The following CACNA1E variants were observed in gnomAD, a reference collection of about 807,000 sequenced individuals.
The protein encoded by CACNA1E is calcium voltage-gated channel subunit alpha1 E, also known as voltage-dependent R-type calcium channel subunit alpha-1E.
In CACNA1E, 40 loss-of-function variants were observed where a neutral mutation model predicts 259.2. That is an observed-to-expected ratio of 0.15 (90% CI 0.12 to 0.20). The LOEUF is 0.20. Ranked by LOEUF, CACNA1E falls within the 10% of genes least tolerant of loss-of-function variation. The probability of loss-of-function intolerance (pLI) is 1.00; values close to 1 mark genes in which losing one functional copy is unlikely to be tolerated. For missense variants in CACNA1E, 1,874 were observed against 3,040.1 expected (o/e 0.62, Z 9.02); for synonymous variants, 1,104 against 1,138.5 (o/e 0.97, Z 0.61).
At chr1:181,362,263 C>T (rs1653936409) in intron 1 of CACNA1E, among the ~76,000 whole-genome samples, 2 of 152,244 alleles carry the variant, frequency 1.3e-5, no homozygotes, top group Admixed American at 1.3e-4. Flanking sequence ...CTGACTCTTT[C>T]TCCCTGGAGG....
At position 181,749,303 on chromosome 1, in the gene CACNA1E, G is replaced by C. The variant is rs74768620; in HGVS notation, c.3720-1173G>C. On this transcript the variant is annotated intron_variant, in intron 25 of 47. Transcript: ENST00000367573. ...AGCAGGCCAGGATAGGGAATCATGA[G>C]ATGCAGGTTCACCTATGTTTCTAAA... Among the ~76,000 whole-genome samples, 1,173 of 152,322 alleles carry C rather than the reference G, an allele frequency of 7.7e-3. 15 individuals carry two copies. Among genetic ancestry groups the C allele is most frequent in the African/African-American group, 0.027 (1,106 of 41,562 alleles).
In CACNA1E at chr1:181,354,579, C is replaced by T. The variant is rs148829734; in HGVS notation, c.-15+36456C>T. Among the ~76,000 whole-genome samples the T allele has an allele frequency of 3.2e-3, 486 of 152,292 alleles. 2 individuals carry two copies. The highest frequency in any genetic ancestry group is 0.01 in the Middle Eastern group (3 of 294). ...AGAAGGGTCTTAATTAGAGATTCTT[C>T]TCTATGGTTCAGGTTGTCTGCACCT... is the stretch of plus-strand genomic sequence containing the variant. On this transcript the variant is annotated intron_variant, in intron 1 of 11. Transcript: ENST00000524607.
At chr1:181,556,258 G>T (rs1558123091) in intron 3 of CACNA1E, among the ~76,000 whole-genome samples, 1 of 152,092 alleles carries the variant, frequency 6.6e-6, no homozygotes, top group East Asian at 1.9e-4. Context: ...GGGTGGATGG[G>T]GTGCAGCACA....
chr1:181,689,521 T>C (rs1015172269), intron 7 of CACNA1E, among the ~76,000 whole-genome samples: 1 of 152,170 alleles, frequency 6.6e-6, no homozygotes, highest in African/African-American at 2.4e-5. Context: ...GGTCAAATGG[T>C]ATTTCTGGTT....
In CACNA1E at chr1:181,796,744, T is replaced by A; in HGVS notation, c.6285T>A (p.Pro2095=). The A allele has an allele frequency of 6.2e-7, 1 of 1,613,556 alleles. No individual in the cohort carries two copies. Among genetic ancestry groups the A allele is most frequent in the Non-Finnish European group, 8.5e-7 (1 of 1,179,708 alleles). ...AAGAGCGAAAGCATCTTCTCTCTCC[T>A]GATGTCTCCCGCTGCAATTCAGAAG... ...RSKERKHLLS[P]DVSRCNSEER... is the part of the protein sequence containing the mutation. The change falls in exon 47 of 48, where the codon CCT becomes CCA. Residue 2095 remains proline, a synonymous_variant. Coordinates refer to ENST00000367573, the MANE Select transcript of CACNA1E (RefSeq NM_001205293.3).
chr1:181,792,341 C>A (rs1382119594), intron 44 of CACNA1E, among the ~76,000 whole-genome samples: 1 of 152,178 alleles, frequency 6.6e-6, no homozygotes, highest in Non-Finnish European at 1.5e-5. Context: ...AGGTGTCAGC[C>A]TGTGCTACAC....
At chr1:181,781,640 G>A (rs1660439710) in intron 39 of CACNA1E, 117 bp downstream of exon 39, 1 of 686,578 alleles carries the variant, frequency 1.5e-6, no homozygotes, top group Non-Finnish European at 2.6e-6. Context: ...GGGAACTAAG[G>A]AGGAAAGGCA....
In CACNA1E at chr1:181,776,341, G is replaced by A; in HGVS notation, c.5267+113G>A. 1 of 1,106,796 alleles carries A rather than the reference G, an allele frequency of 9.0e-7. No individual in the cohort carries two copies. 68.6% of individuals were successfully genotyped at this position (1,106,796 alleles called of 1,614,324 possible). ...AATGCCTGCCTGTTACAGAAGGAAA[G>A]GAGATTCCTCTTGATTGTGGCCCAT... On this transcript the variant is annotated intron_variant, in intron 38 of 47. Transcript: ENST00000367573. The surrounding 1 kb of genome is among the most constrained non-coding windows in gnomAD (Gnocchi z 4.4).
intron 7 of CACNA1E, among the ~76,000 whole-genome samples, chr1:181,683,887 T>C (rs1572590328): frequency 6.6e-6 from 1 of 152,236 alleles, no homozygotes; most frequent in Admixed American, 6.5e-5. Context: ...TAAATAGTGC[T>C]GCAATGAACA....
At chr1:181,567,540 G>A (rs909007157) in intron 3 of CACNA1E, among the ~76,000 whole-genome samples, 1 of 152,202 alleles carries the variant, frequency 6.6e-6, no homozygotes, top group East Asian at 1.9e-4. Context: ...GTTTTGAAGT[G>A]TGTGTGAAAG....
intron 2 of CACNA1E, among the ~76,000 whole-genome samples, chr1:181,455,732 TC>T (rs1158134514): frequency 6.6e-6 from 1 of 152,244 alleles, no homozygotes; most frequent in African/African-American, 2.4e-5. Flanking sequence ...TTCTTTTTTT[TC>T]ATCCTTGACC....
intron 1 of CACNA1E, among the ~76,000 whole-genome samples, chr1:181,394,633 G>C (rs1389434322): frequency 1.3e-5 from 2 of 152,144 alleles, no homozygotes; most frequent in Admixed American, 6.5e-5. Context: ...TAGGATAAGG[G>C]GGATTGGGAG....
At chr1:181,716,279 G>T in intron 10 of CACNA1E, 150 bp downstream of exon 10, 2 of 299,714 alleles carry the variant, frequency 6.7e-6, no homozygotes, top group East Asian at 5.6e-5. Context: ...ATCGAATCTA[G>T]ATTACAATGA....
In CACNA1E at chr1:181,385,022, C is replaced by T. The variant is rs1655737915; in HGVS notation, c.-14-28111C>T. On this transcript the variant is annotated intron_variant, in intron 1 of 11. Coordinates refer to the CACNA1E transcript ENST00000524607. ...TTCACTCTTTCCAGCCTAGATTTTG[C>T]CCTGATGTCTCTGCTGAGATGGATT... Among the ~76,000 whole-genome samples, 6 of 152,322 alleles carry T rather than the reference C, an allele frequency of 3.9e-5. No individual in the cohort carries two copies. The South Asian group carries it at 1.2e-3, about 32-fold the overall frequency.
intron 2 of CACNA1E, among the ~76,000 whole-genome samples, chr1:181,470,309 C>G (rs1365840816): frequency 6.6e-6 from 1 of 152,030 alleles, no homozygotes; most frequent in Middle Eastern, 3.2e-3. Flanking sequence ...CCATCTCAGC[C>G]TCTTGAGTAG....
chr1:181,402,525 A>C (rs1657176249), intron 1 of CACNA1E, among the ~76,000 whole-genome samples: 1 of 152,168 alleles, frequency 6.6e-6, no homozygotes, highest in East Asian at 1.9e-4. Flanking sequence ...CTCTGTGATG[A>C]TGCTGCTTGG....
intron 2 of CACNA1E, among the ~76,000 whole-genome samples, chr1:181,477,149 C>T (rs943678265): frequency 6.6e-6 from 1 of 151,058 alleles, no homozygotes; most frequent in Non-Finnish European, 1.5e-5. Context: ...TGTGTACTGC[C>T]CCCCTCCCCA....
intron 2 of CACNA1E, among the ~76,000 whole-genome samples, chr1:181,454,941 C>A (rs1202989839): frequency 6.6e-6 from 1 of 152,160 alleles, no homozygotes; most frequent in Non-Finnish European, 1.5e-5. Context: ...AATGAGAAAT[C>A]TATGCCTGTG....
At chr1:181,480,975 TTAA>T (rs1164555938), upstream of CACNA1E, among the ~76,000 whole-genome samples, 3 of 152,182 alleles carry the variant, frequency 2.0e-5, no homozygotes, top group East Asian at 3.9e-4. Context: ...CGACATACAC[TTAA>T]TAATTTCTGA....
Sources: gnomAD v4.1 joint callset for allele counts (sites outside exome capture counted in the v4.1 genomes callset) on GRCh38, gnomAD v4.1.1 for gene constraint, Gnocchi (gnomAD v3.1) non-coding constraint, MANE v1.5 for transcripts, NCBI Gene and HGNC (gene_info 2026-07-23, HGNC 2026-07-21) for gene names.